Variants in BMPR2 observed in about 807,000 individuals in gnomAD.
The protein encoded by BMPR2 is bone morphogenetic protein receptor type 2, also known as bone morphogenetic protein receptor type-2.
In BMPR2, 29 loss-of-function variants were observed where a neutral mutation model predicts 100.8. That is an observed-to-expected ratio of 0.29 (90% CI 0.21 to 0.39). The LOEUF (loss-of-function observed/expected upper bound fraction) is 0.39. BMPR2 is among the 10% of genes least tolerant of loss of function. The pLI is 1.00. For missense variants in BMPR2, 1,011 were observed against 1,274.5 expected, an observed-to-expected ratio of 0.79 and a Z score of 3.15; for synonymous variants, 382 against 442.3, an observed-to-expected ratio of 0.86 and a Z score of 1.71.
At chr2:202,391,249 T>C (rs1690542724) in intron 1 of BMPR2, among the ~76,000 whole-genome samples, 1 of 152,102 alleles carries the variant, frequency 6.6e-6, no homozygotes, top group Non-Finnish European at 1.5e-5. Context: ...GTGCTGAGAT[T>C]ACAGGTGTGA....
chr2:202,530,004 G>A (rs1039764029), intron 7 of BMPR2, among the ~76,000 whole-genome samples: 24 of 152,040 alleles, frequency 1.6e-4, no homozygotes, highest in Non-Finnish European at 2.6e-4. Flanking sequence ...AAAATATAAT[G>A]TACTTATATT....
intron 9 of BMPR2, among the ~76,000 whole-genome samples, chr2:202,539,823 G>A (rs1688239786): frequency 6.6e-6 from 1 of 152,104 alleles, no homozygotes; most frequent in Non-Finnish European, 1.5e-5. Flanking sequence ...GTGAGAAGCA[G>A]GTAATGGTAT....
At chr2:202,465,015 T>C in intron 2 of BMPR2, 36 bp downstream of exon 2, 1 of 1,606,422 alleles carries the variant, frequency 6.2e-7, no homozygotes, top group Non-Finnish European at 8.5e-7. Context: ...ATGACTGTGT[T>C]TTATACAATT....
chr2:202,510,146 C>T (rs1042410160), intron 3 of BMPR2, among the ~76,000 whole-genome samples: 8 of 152,086 alleles, frequency 5.3e-5, no homozygotes, highest in Non-Finnish European at 8.8e-5. Context: ...TGGCTGGGCG[C>T]GGTGGCTTAT....
In BMPR2 at chr2:202,431,531, T is replaced by C. The variant is rs193103867; in HGVS notation, c.77-33278T>C. On this transcript the variant is annotated intron_variant, in intron 1 of 12. Transcript: ENST00000374580. Reference sequence around the variant, plus strand: ...TTTATAGTCATGCACCACTTAATGATGTTTTTTGGTCAACAGCAGACCTAA... The same window carrying C: ...TTTATAGTCATGCACCACTTAATGACGTTTTTTGGTCAACAGCAGACCTAA... Among the ~76,000 whole-genome samples, 373 of 150,882 alleles carry C rather than the reference T, an allele frequency of 2.5e-3. 7 individuals are homozygous for C. The highest frequency in any genetic ancestry group is 3.7e-3 in the Non-Finnish European group (250 of 68,018).
chr2:202,564,209 G>C lies in BMPR2; in HGVS notation c.*4263G>C, dbSNP rs2105719686. The C allele has an allele frequency of 6.6e-6, 1 of 152,154 alleles. No individual in the cohort carries two copies. Among genetic ancestry groups the C allele is most frequent in the East Asian group, 1.9e-4 (1 of 5,184 alleles). The allele number at this position is 152,154 out of a possible 1,614,324, so 9.4% of individuals were successfully genotyped here. A position where few individuals can be genotyped will look rare whatever the true frequency, so the allele number is the denominator to read the frequency against. ...AGCTTTTCCTTTTTTCATATTTATG[G>C]ACATGAATATTTTATTGGAGATCAT... On this transcript the variant is annotated 3_prime_UTR_variant, in exon 13 of 13. Transcript: ENST00000374580.
intron 1 of BMPR2, among the ~76,000 whole-genome samples, chr2:202,383,550 C>T (rs1690345569): frequency 6.6e-6 from 1 of 151,800 alleles, no homozygotes; most frequent in Non-Finnish European, 1.5e-5. Context: ...TGTGGTGGCA[C>T]ATGCCTGTAA....
intron 7 of BMPR2, among the ~76,000 whole-genome samples, chr2:202,523,238 G>A (rs1168320018): frequency 6.6e-6 from 1 of 152,200 alleles, no homozygotes; most frequent in East Asian, 1.9e-4. Context: ...AACAACGGAT[G>A]CTGTTGAGAC....
Position 202,566,178 on chromosome 2 carries a change from A to G in BMPR2, c.*6232A>G, listed in dbSNP as rs1225918809. ...ATTTGGTTTTCAGTTTTAAAAGGCA[A>G]CATGTGGGTTTTATCCATTTTATTT... On this transcript the variant is annotated 3_prime_UTR_variant, in exon 13 of 13. Coordinates refer to ENST00000374580, the MANE Select transcript of BMPR2 (RefSeq NM_001204.7). 1.3e-5 allele frequency: 2 copies of G among 152,540 alleles called. No homozygotes were observed. Among genetic ancestry groups the G allele is most frequent in the African/African-American group, 2.4e-5 (1 of 41,468 alleles). The allele number at this position is 152,540 out of a possible 1,614,324, so 9.4% of individuals were successfully genotyped here. A position where few individuals can be genotyped will look rare whatever the true frequency, so the allele number is the denominator to read the frequency against.
In BMPR2 at chr2:202,496,488, C is replaced by CA. The variant is rs200829157; in HGVS notation, c.419-17222dup. ...TGAGACCCTGTCTCAAAAACAAAAACAAAAAAAAATCAAAAGAACAAATTA... is the reference window on the plus strand; with the variant it reads ...TGAGACCCTGTCTCAAAAACAAAAACAAAAAAAAAATCAAAAGAACAAATTA... On this transcript the variant is annotated intron_variant, in intron 3 of 12. Coordinates refer to ENST00000374580, the MANE Select transcript of BMPR2 (RefSeq NM_001204.7). 2.5e-3 allele frequency among the ~76,000 whole-genome samples: 376 copies of CA among 149,152 alleles called. 1 individual carries two copies. The highest frequency in any genetic ancestry group is 8.4e-3 in the African/African-American group (340 of 40,386).
At chr2:202,403,015 A>G (rs1472128884) in intron 1 of BMPR2, among the ~76,000 whole-genome samples, 1 of 150,578 alleles carries the variant, frequency 6.6e-6, no homozygotes, top group African/African-American at 2.4e-5. Context: ...TTTAGTAGAG[A>G]TGGGATTTCT....
chr2:202,513,282 T>C (rs368692426), intron 3 of BMPR2, among the ~76,000 whole-genome samples: 10 of 152,172 alleles, frequency 6.6e-5, no homozygotes, highest in African/African-American at 2.4e-4. Flanking sequence ...GATAATATAT[T>C]CTTGACGTTG....
intron 1 of BMPR2, among the ~76,000 whole-genome samples, chr2:202,444,815 T>C (rs1050708743): frequency 2.7e-5 from 4 of 150,714 alleles, no homozygotes; most frequent in Non-Finnish European, 5.9e-5. Context: ...TGAGATGGAG[T>C]TTCACCCTTG....
chr2:202,490,160 T>G, intron 3 of BMPR2, among the ~76,000 whole-genome samples: 1 of 152,202 alleles, frequency 6.6e-6, no homozygotes, highest in East Asian at 1.9e-4. Flanking sequence ...CAGCTTCTCA[T>G]TGGTCTGATC....
At chr2:202,428,772 C>T (rs1014343179) in intron 1 of BMPR2, among the ~76,000 whole-genome samples, 1 of 152,112 alleles carries the variant, frequency 6.6e-6, no homozygotes, top group African/African-American at 2.4e-5. Context: ...AGATTTATTC[C>T]AATGGTTCTG....
intron 1 of BMPR2, among the ~76,000 whole-genome samples, chr2:202,391,802 G>A (rs1295637881): frequency 1.3e-5 from 2 of 148,492 alleles, no homozygotes; most frequent in Non-Finnish European, 3.0e-5. Context: ...GCACTCTGTC[G>A]CCAGGCTGGA....
At chr2:202,500,098 C>T (rs1412141687) in intron 3 of BMPR2, among the ~76,000 whole-genome samples, 3 of 152,190 alleles carry the variant, frequency 2.0e-5, no homozygotes, top group Non-Finnish European at 4.4e-5. Context: ...ACTGAGGGTG[C>T]CCGGGGCAAG....
intron 1 of BMPR2, among the ~76,000 whole-genome samples, chr2:202,426,572 A>C (rs988941424): frequency 3.3e-5 from 5 of 150,252 alleles, no homozygotes; most frequent in African/African-American, 1.2e-4. Context: ...CCGTCTCAAA[A>C]AAAAAAAAAA....
intron 1 of BMPR2, among the ~76,000 whole-genome samples, chr2:202,438,949 T>C (rs563468800): frequency 6.6e-6 from 1 of 150,778 alleles, no homozygotes; most frequent in Non-Finnish European, 1.5e-5. Context: ...TTGGCTATTC[T>C]GGGTCCTTTG....
Sources: gnomAD v4.1 joint callset for allele counts (sites outside exome capture counted in the v4.1 genomes callset) on GRCh38, gnomAD v4.1.1 for gene constraint, MANE v1.5 for transcripts, NCBI Gene and HGNC (gene_info 2026-07-23, HGNC 2026-07-21) for gene names.